STK10: variants seen among roughly 807,000 people sequenced by gnomAD.
STK10 encodes the protein serine/threonine-protein kinase 10.
Under a neutral mutation model 113.8 loss-of-function variants are expected in STK10, and 78 were observed. That is an observed-to-expected ratio of 0.69 (90% CI 0.57 to 0.83). The LOEUF is 0.83. STK10 is among the 40% of genes least tolerant of loss of function. The pLI is 0.00. For synonymous variants in STK10, 465 were observed against 494.7 expected, an observed-to-expected ratio of 0.94 and a Z score of 0.80; for missense variants, 1,109 against 1,280.1, an observed-to-expected ratio of 0.87 and a Z score of 2.04.
At chr5:172,142,839 T>A (rs1001703807) in intron 2 of STK10, among the ~76,000 whole-genome samples, 22 of 152,142 alleles carry the variant, frequency 1.4e-4, no homozygotes, top group African/African-American at 4.6e-4. Context: ...CCATCCCTCC[T>A]CATGCCTCAA....
chr5:172,102,594 C>T (rs1372802537), intron 7 of STK10, among the ~76,000 whole-genome samples: 3 of 152,030 alleles, frequency 2.0e-5, no homozygotes, highest in Non-Finnish European at 4.4e-5. Flanking sequence ...GGCTTATGAC[C>T]AAGGGTGTGT....
At chr5:172,071,640 G>A (rs1213774965) in intron 12 of STK10, among the ~76,000 whole-genome samples, 1 of 151,946 alleles carries the variant, frequency 6.6e-6, no homozygotes, top group Non-Finnish European at 1.5e-5. Flanking sequence ...GCACCCAGAG[G>A]ACCACCCAGA....
At chr5:172,055,804 G>A (rs1030408283) in intron 15 of STK10, 28 bp from the exon 16 acceptor site, 1 of 1,435,088 alleles carries the variant, frequency 7.0e-7, no homozygotes, top group Non-Finnish European at 9.2e-7. Flanking sequence ...GAGGGGCTGA[G>A]GGCAGCTGCA....
At chr5:172,115,051 C>T (rs1769345601) in intron 4 of STK10, 2 of 152,230 alleles carry the variant, frequency 1.3e-5, no homozygotes, top group African/African-American at 2.4e-5. Flanking sequence ...AGGTAGACCG[C>T]AATTTTTTTT....
chr5:172,105,268 T>C (rs909233420), intron 7 of STK10, among the ~76,000 whole-genome samples: 1 of 149,504 alleles, frequency 6.7e-6, no homozygotes, highest in Non-Finnish European at 1.5e-5. Flanking sequence ...GCTCCTTCCC[T>C]TCCTGTGGAC....
chr5:172,153,076 C>T (rs573833795), intron 2 of STK10, among the ~76,000 whole-genome samples: 3 of 152,212 alleles, frequency 2.0e-5, no homozygotes, highest in East Asian at 3.9e-4. Context: ...CACCTGAGGT[C>T]GGGAGTTCAA....
intron 7 of STK10, among the ~76,000 whole-genome samples, chr5:172,098,776 G>C (rs866347209): frequency 2.0e-5 from 3 of 152,130 alleles, no homozygotes; most frequent in Non-Finnish European, 4.4e-5. Context: ...ACTTAACCCT[G>C]AGTCTCAGTT....
chr5:172,117,633 G>A lies in STK10; in HGVS notation c.371-3C>T. On this transcript the variant is annotated splice_region_variant and splice_polypyrimidine_tract_variant and intron_variant, in intron 3 of 18. Coordinates refer to ENST00000176763, the MANE Select transcript of STK10 (RefSeq NM_005990.4). Reference sequence around the variant, plus strand: ...CTCCGTGAGGCCTCTGTCCAGCTCTGGAAATGGAGGAGAACGGCTGTCAAT... The same window carrying A: ...CTCCGTGAGGCCTCTGTCCAGCTCTAGAAATGGAGGAGAACGGCTGTCAAT... The A allele has an allele frequency of 6.2e-7, 1 of 1,613,936 alleles. No homozygotes were observed. Among genetic ancestry groups the A allele is most frequent in the Non-Finnish European group, 8.5e-7 (1 of 1,179,964 alleles).
Position 172,044,237 on chromosome 5 carries a change from C to CA in STK10, c.*644dup, listed in dbSNP as rs1767450056. The CA allele has an allele frequency of 6.5e-6, 1 of 154,946 alleles. No individual in the cohort carries two copies. Among genetic ancestry groups the CA allele is most frequent in the African/African-American group, 2.4e-5 (1 of 41,474 alleles). The allele number at this position is 154,946 out of a possible 1,614,324, so 9.6% of individuals were successfully genotyped here. A position where few individuals can be genotyped will look rare whatever the true frequency, so the allele number is the denominator to read the frequency against. ...GTGCAGGAAGGGGGACGCGAGATGGCATGAAACACGGGAGAAGCAGAATAA... is the reference window on the plus strand; with the variant it reads ...GTGCAGGAAGGGGGACGCGAGATGGCAATGAAACACGGGAGAAGCAGAATAA... On this transcript the variant is annotated 3_prime_UTR_variant, in exon 19 of 19. Coordinates refer to ENST00000176763, the MANE Select transcript of STK10 (RefSeq NM_005990.4). The surrounding 1 kb of genome is among the most constrained non-coding windows in gnomAD (Gnocchi z 4.5).
intron 12 of STK10, among the ~76,000 whole-genome samples, chr5:172,068,476 G>A (rs1183715907): frequency 6.6e-6 from 1 of 152,096 alleles, no homozygotes; most frequent in Non-Finnish European, 1.5e-5. Flanking sequence ...AAGTTCTTCA[G>A]GTTGAAAAGA....
chr5:172,052,879 T>C (rs370268974), intron 18 of STK10, 50 bp downstream of exon 18: 108 of 1,569,618 alleles, frequency 6.9e-5, no homozygotes, highest in Non-Finnish European at 8.8e-5. Context: ...GGCCTGTGCA[T>C]GGCACAGAGC....
rs751200838 is a variant in STK10, at chr5:172,054,616, T to A, written c.2605A>T (p.Met869Leu). ...ATGTTGCTCTCACACTGCGCCAGCATGTCCCGCATCTGGTTCTCGTGTTTC... is the reference window on the plus strand; with the variant it reads ...ATGTTGCTCTCACACTGCGCCAGCAAGTCCCGCATCTGGTTCTCGTGTTTC... ...QQKHENQMRD[M>L]LAQCESNMSE... Residue 869 changes from methionine (M) to leucine (L), a missense_variant, in exon 17 of 19, where the codon ATG (methionine) becomes TTG (leucine). Met to Leu is a conservative substitution (Grantham distance 15). Transcript: ENST00000176763. 6.2e-7 allele frequency: 1 copy of A among 1,610,542 alleles called. No individual in the cohort carries two copies. Among genetic ancestry groups the A allele is most frequent in the Non-Finnish European group, 8.5e-7 (1 of 1,179,844 alleles).
At chr5:172,077,938 A>G (rs895459672) in intron 12 of STK10, among the ~76,000 whole-genome samples, 2 of 152,218 alleles carry the variant, frequency 1.3e-5, no homozygotes, top group Non-Finnish European at 2.9e-5. Flanking sequence ...ACTCTGTTGC[A>G]GCACTGGAAT....
At chr5:172,052,876 G>T in intron 18 of STK10, 53 bp downstream of exon 18, 1 of 1,571,886 alleles carries the variant, frequency 6.4e-7, no homozygotes, top group Non-Finnish European at 8.7e-7. Context: ...AGAGGCCTGT[G>T]CATGGCACAG....
At chr5:172,068,039 C>A (rs527983053) in intron 12 of STK10, among the ~76,000 whole-genome samples, 62 of 152,270 alleles carry the variant, frequency 4.1e-4, no homozygotes, top group African/African-American at 1.3e-3. Context: ...GGAGTATCAT[C>A]CTTAAAGTGC....
At chr5:172,152,778 T>A (rs544657223) in intron 2 of STK10, among the ~76,000 whole-genome samples, 3 of 152,270 alleles carry the variant, frequency 2.0e-5, no homozygotes, top group African/African-American at 7.2e-5. Context: ...CTGATGAAAA[T>A]TTAGCTCCCA....
chr5:172,140,001 T>G (rs1413565481), intron 2 of STK10, among the ~76,000 whole-genome samples: 2 of 150,432 alleles, frequency 1.3e-5, no homozygotes, highest in African/African-American at 4.9e-5. Flanking sequence ...AAAGGCAGCC[T>G]ACAAAATGGG....
Position 172,052,901 on chromosome 5 carries a change from C to T in STK10, c.2766+28G>A, listed in dbSNP as rs778210163. ...GCATGGCACAGAGCAGAGCCCGAGACTGAGCCCACCAGCTCGGATAAAGTT... is the reference window on the plus strand; with the variant it reads ...GCATGGCACAGAGCAGAGCCCGAGATTGAGCCCACCAGCTCGGATAAAGTT... On this transcript the variant is annotated intron_variant, in intron 18 of 18. Coordinates refer to ENST00000176763, the MANE Select transcript of STK10 (RefSeq NM_005990.4). 19 of 1,609,514 alleles carry T rather than the reference C, an allele frequency of 1.2e-5. No individual in the cohort carries two copies. In the East Asian group the frequency reaches 3.6e-4, roughly 30 times the overall value.
At chr5:172,065,607 G>A (rs1768050637) in intron 12 of STK10, among the ~76,000 whole-genome samples, 1 of 152,138 alleles carries the variant, frequency 6.6e-6, no homozygotes, top group Non-Finnish European at 1.5e-5. Context: ...GCCCTGGGCT[G>A]AGCATCTGAT....
Sources: gnomAD v4.1 joint callset for allele counts (sites outside exome capture counted in the v4.1 genomes callset) on GRCh38, gnomAD v4.1.1 for gene constraint, Gnocchi (gnomAD v3.1) non-coding constraint, MANE v1.5 for transcripts, NCBI Gene and HGNC (gene_info 2026-07-23, HGNC 2026-07-21) for gene names.